NKAIN3: variants seen among roughly 807,000 people sequenced by gnomAD.
NKAIN3 encodes the protein sodium/potassium transporting ATPase interacting 3.
A neutral mutation model predicts 30.2 loss-of-function variants in NKAIN3; 25 were observed. The observed-to-expected ratio is 0.83, with a 90% CI of 0.60 to 1.16. The LOEUF (loss-of-function observed/expected upper bound fraction) is 1.16. Ranked by LOEUF, NKAIN3 falls within the 50% of genes most tolerant of loss-of-function variation. NKAIN3 has a pLI of 0.00. For synonymous variants in NKAIN3, 91 were observed against 89.6 expected (o/e 1.02, Z -0.09); for missense variants, 225 against 254.1 (o/e 0.89, Z 0.78).
intron 1 of NKAIN3, chr8:62,383,394 C>T: frequency 2.5e-6 from 1 of 404,458 alleles, no homozygotes; most frequent in African/African-American, 2.1e-5. Context: ...GTGGAGTAGC[C>T]TTTTCCTTCC....
intron 3 of NKAIN3, among the ~76,000 whole-genome samples, chr8:62,644,632 A>G (rs1436802114): frequency 1.3e-5 from 2 of 152,146 alleles, no homozygotes; most frequent in Non-Finnish European, 1.5e-5. Flanking sequence ...GGACAACTAT[A>G]GATTGGTTAG....
chr8:62,582,500 C>T lies in NKAIN3; in HGVS notation c.192+2824C>T, dbSNP rs374142967. On this transcript the variant is annotated intron_variant, in intron 2 of 6. Transcript: ENST00000623646. ...TGTAGCCGGGCAATGGGGTTAGGCA[C>T]CCTGCAGGGAGCTGAGAGCTGAGGT... Among the ~76,000 whole-genome samples the T allele has an allele frequency of 5.3e-5, 8 of 152,202 alleles. 1 individual carries two copies. Among genetic ancestry groups the T allele is most frequent in the Admixed American group, 6.5e-5 (1 of 15,276 alleles).
chr8:62,723,491 A>G (rs1245541659), intron 3 of NKAIN3, among the ~76,000 whole-genome samples: 1 of 152,156 alleles, frequency 6.6e-6, no homozygotes, highest in African/African-American at 2.4e-5. Context: ...CATCGTAATC[A>G]AATAACTATT....
intron 4 of NKAIN3, among the ~76,000 whole-genome samples, chr8:62,762,327 AAC>A (rs1389112444): frequency 6.6e-6 from 1 of 151,826 alleles, no homozygotes; most frequent in African/African-American, 2.4e-5. Flanking sequence ...AAAAAAAAAA[AAC>A]AAAAAACAAA....
intron 1 of NKAIN3, among the ~76,000 whole-genome samples, chr8:62,550,165 C>A (rs1208409653): frequency 6.6e-6 from 1 of 152,050 alleles, no homozygotes; most frequent in Non-Finnish European, 1.5e-5. Context: ...TTTTGCTTTG[C>A]TATTTGCCAT....
intron 1 of NKAIN3, among the ~76,000 whole-genome samples, chr8:62,548,456 C>T (rs531091883): frequency 2.2e-4 from 33 of 152,246 alleles, no homozygotes; most frequent in African/African-American, 6.7e-4. Context: ...TACAGAGCCA[C>T]GGCTCCCCCT....
At chr8:62,752,810 T>A (rs761053662) in intron 4 of NKAIN3, among the ~76,000 whole-genome samples, 1 of 152,114 alleles carries the variant, frequency 6.6e-6, no homozygotes, top group Non-Finnish European at 1.5e-5. Context: ...GTATGTAAAA[T>A]TTTTTTTAAT....
At chr8:62,795,813 A>G (rs2130681937) in intron 4 of NKAIN3, among the ~76,000 whole-genome samples, 1 of 152,282 alleles carries the variant, frequency 6.6e-6, no homozygotes, top group African/African-American at 2.4e-5. Context: ...AACTCACTTT[A>G]ACTGTATCAG....
At chr8:62,728,234 T>C (rs1815321108) in intron 3 of NKAIN3, among the ~76,000 whole-genome samples, 1 of 152,144 alleles carries the variant, frequency 6.6e-6, no homozygotes, top group African/African-American at 2.4e-5. Context: ...CTAGATGATC[T>C]TGAGTTTGGC....
At chr8:62,791,843 T>C (rs577851202) in intron 4 of NKAIN3, among the ~76,000 whole-genome samples, 6 of 152,242 alleles carry the variant, frequency 3.9e-5, no homozygotes, top group African/African-American at 9.6e-5. Context: ...TTATTGAATA[T>C]ATTTTTTGTT....
chr8:62,522,564 T>C (rs981227252), intron 1 of NKAIN3, among the ~76,000 whole-genome samples: 1 of 152,066 alleles, frequency 6.6e-6, no homozygotes, highest in African/African-American at 2.4e-5. Flanking sequence ...TCCATGCGTG[T>C]CATTGACCCT....
At chr8:62,581,153 A>G (rs1810281378) in intron 2 of NKAIN3, among the ~76,000 whole-genome samples, 1 of 150,026 alleles carries the variant, frequency 6.7e-6, no homozygotes, top group African/African-American at 2.4e-5. Context: ...AAAATAAAAT[A>G]AAATAAAATA....
At chr8:62,557,175 C>T (rs1017045130) in intron 1 of NKAIN3, among the ~76,000 whole-genome samples, 1 of 152,036 alleles carries the variant, frequency 6.6e-6, no homozygotes, top group Non-Finnish European at 1.5e-5. Flanking sequence ...TTTTCCATTC[C>T]TGAGTTACTT....
chr8:62,293,164 G>T (rs189395189), intron 1 of NKAIN3, among the ~76,000 whole-genome samples: 1 of 151,994 alleles, frequency 6.6e-6, no homozygotes, highest in East Asian at 1.9e-4. Context: ...GCTTCTTTTC[G>T]ATGGGTTCGA....
rs548756365 is a variant in NKAIN3, at chr8:62,801,510, G to A, written c.471+54381G>A. 3.6e-3 allele frequency among the ~76,000 whole-genome samples: 545 copies of A among 152,320 alleles called. 4 individuals are homozygous for A. The highest frequency in any genetic ancestry group is 0.013 in the African/African-American group (521 of 41,566). On this transcript the variant is annotated intron_variant, in intron 4 of 6. Transcript: ENST00000623646. ...CGCTGCTGATACCCAGGCAAACAGG[G>A]TCTGGAGTGGACCTCTAGCAAACTC...
At chr8:62,431,339 G>T (rs1585800919) in intron 1 of NKAIN3, among the ~76,000 whole-genome samples, 1 of 151,832 alleles carries the variant, frequency 6.6e-6, no homozygotes, top group Non-Finnish European at 1.5e-5. Context: ...TGAACATCAT[G>T]ATTCTTTCAC....
intron 3 of NKAIN3, among the ~76,000 whole-genome samples, chr8:62,697,712 T>G (rs1285935402): frequency 2.0e-5 from 3 of 152,220 alleles, no homozygotes; most frequent in African/African-American, 7.2e-5. Context: ...TGTCACATAT[T>G]AGGTTCTTCA....
chr8:62,971,456 G>T lies in NKAIN3; in HGVS notation c.*6049G>T, dbSNP rs572148471. 6.6e-6 allele frequency among the ~76,000 whole-genome samples: 1 copy of T among 152,058 alleles called. No individual in the cohort carries two copies. The highest frequency in any genetic ancestry group is 2.1e-4 in the South Asian group (1 of 4,796). ...GTTCGAGACCAGCCTGAGCAACATG[G>T]CAAAACCCCATACCTACAAAAAATA... On this transcript the variant is annotated 3_prime_UTR_variant, in exon 7 of 7. Transcript: ENST00000623646.
At chr8:62,533,362 G>A (rs1167720124) in intron 1 of NKAIN3, among the ~76,000 whole-genome samples, 3 of 152,194 alleles carry the variant, frequency 2.0e-5, no homozygotes, top group African/African-American at 7.2e-5. Flanking sequence ...AGCTGCAGTG[G>A]AACAAACTGT....
Sources: allele counts gnomAD v4.1 joint callset (sites outside exome capture counted in the v4.1 genomes callset), GRCh38; gene constraint gnomAD v4.1.1; transcripts MANE v1.5; gene names NCBI Gene and HGNC (gene_info 2026-07-23, HGNC 2026-07-21).